ZNF385D: variants seen among roughly 807,000 people sequenced by gnomAD.
The protein encoded by ZNF385D is zinc finger protein 659.
ZNF385D carries 15 observed loss-of-function variants against 35.8 expected under a neutral mutation model. The ratio of observed to expected loss-of-function variants is 0.42; its 90% CI spans 0.28 to 0.64. ZNF385D has a LOEUF of 0.64. ZNF385D is among the 30% of genes least tolerant of loss of function. The probability of loss-of-function intolerance (pLI) is 0.23; values close to 1 mark genes in which losing one functional copy is unlikely to be tolerated. For missense variants in ZNF385D, 474 were observed against 494.6 expected, an observed-to-expected ratio of 0.96 and a Z score of 0.39; for synonymous variants, 212 against 186.8, an observed-to-expected ratio of 1.13 and a Z score of -1.10.
At chr3:22,112,495 T>C (rs11921593) in intron 3 of ZNF385D, among the ~76,000 whole-genome samples, 39 of 152,266 alleles carry the variant, frequency 2.6e-4, no homozygotes, top group African/African-American at 8.2e-4. Flanking sequence ...TTCTTGTTGA[T>C]AAGCAAAATT....
chr3:22,249,466 C>T (rs1158526412), intron 2 of ZNF385D, among the ~76,000 whole-genome samples: 1 of 152,122 alleles, frequency 6.6e-6, no homozygotes, highest in Non-Finnish European at 1.5e-5. Flanking sequence ...CCAGCGTATT[C>T]TCCCTGTCAT....
chr3:21,932,730 T>C (rs572830707), intron 3 of ZNF385D, among the ~76,000 whole-genome samples: 3 of 152,062 alleles, frequency 2.0e-5, no homozygotes, highest in African/African-American at 7.2e-5. Context: ...GCAGAATAGG[T>C]GAACAGATTC....
chr3:22,148,785 A>G (rs1479869796), intron 3 of ZNF385D, among the ~76,000 whole-genome samples: 1 of 152,170 alleles, frequency 6.6e-6, no homozygotes, highest in Non-Finnish European at 1.5e-5. Flanking sequence ...ATGGAAAATG[A>G]CCTTAAAACT....
intron 2 of ZNF385D, among the ~76,000 whole-genome samples, chr3:22,260,269 A>G (rs959687112): frequency 3.3e-5 from 5 of 151,998 alleles, no homozygotes; most frequent in Non-Finnish European, 7.4e-5. Context: ...GTTCTCACTC[A>G]TAAGTGGGAG....
At chr3:21,859,862 G>A (rs546335254) in intron 3 of ZNF385D, among the ~76,000 whole-genome samples, 30 of 150,154 alleles carry the variant, frequency 2.0e-4, no homozygotes, top group African/African-American at 7.3e-4. Flanking sequence ...GTATTCAAAG[G>A]CTCAGATCTT....
At chr3:22,066,320 A>G (rs7617848) in intron 3 of ZNF385D, among the ~76,000 whole-genome samples, 1,580 of 149,214 alleles carry the variant, frequency 0.011, 24 homozygotes, top group African/African-American at 0.036. Context: ...GTGTGTGTGT[A>G]TGTGTGTGTA....
intron 2 of ZNF385D, among the ~76,000 whole-genome samples, chr3:22,294,108 A>G (rs1315271412): frequency 1.3e-5 from 2 of 151,966 alleles, no homozygotes; most frequent in African/African-American, 4.8e-5. Flanking sequence ...ATGATACTCT[A>G]AGACCATTAT....
At position 21,419,984 on chromosome 3, in the gene ZNF385D, G is replaced by A. The variant is rs1700668198; in HGVS notation, c.*1230C>T. 1 of 152,004 alleles carries A rather than the reference G, an allele frequency of 6.6e-6. No individual in the cohort carries two copies. Among genetic ancestry groups the A allele is most frequent in the Admixed American group, 6.6e-5 (1 of 15,264 alleles). 9.4% of individuals were successfully genotyped at this position (152,004 alleles called of 1,614,324 possible). A position where few individuals can be genotyped will look rare whatever the true frequency, so the allele number is the denominator to read the frequency against. On this transcript the variant is annotated 3_prime_UTR_variant, in exon 8 of 8. Transcript: ENST00000281523. ...CAACTCCACTGGAGAAATAATTGTCGAGTGGAACTTACCAGTATTTTTTAA... is the reference window on the plus strand; with the variant it reads ...CAACTCCACTGGAGAAATAATTGTCAAGTGGAACTTACCAGTATTTTTTAA...
At chr3:21,764,380 T>C (rs1038638371) in intron 3 of ZNF385D, among the ~76,000 whole-genome samples, 7 of 152,162 alleles carry the variant, frequency 4.6e-5, no homozygotes, top group Non-Finnish European at 7.4e-5. Context: ...CTCATAGTTA[T>C]GGATTCAAAA....
chr3:22,021,743 C>G (rs944605103), intron 3 of ZNF385D, among the ~76,000 whole-genome samples: 1 of 152,028 alleles, frequency 6.6e-6, no homozygotes, highest in African/African-American at 2.4e-5. Context: ...CTGGTTCTTT[C>G]CAAGCATTTC....
chr3:21,626,529 G>C (rs959237579), intron 2 of ZNF385D, among the ~76,000 whole-genome samples: 1 of 152,068 alleles, frequency 6.6e-6, no homozygotes, highest in Non-Finnish European at 1.5e-5. Context: ...TCTGATTTCA[G>C]GTAGAGATCC....
intron 1 of ZNF385D, among the ~76,000 whole-genome samples, chr3:21,690,854 C>G (rs1023170782): frequency 6.6e-6 from 1 of 152,172 alleles, no homozygotes; most frequent in Non-Finnish European, 1.5e-5. Flanking sequence ...TTTGGGACCA[C>G]GCTGCATGTC....
chr3:21,723,645 C>A (rs1412508008), intron 1 of ZNF385D, among the ~76,000 whole-genome samples: 1 of 152,098 alleles, frequency 6.6e-6, no homozygotes, highest in Admixed American at 6.5e-5. Context: ...AAATATGGGA[C>A]TATGTGAAAA....
chr3:21,475,631 A>AT, intron 4 of ZNF385D, among the ~76,000 whole-genome samples: 1 of 152,210 alleles, frequency 6.6e-6, no homozygotes, highest in Admixed American at 6.6e-5. Context: ...AGACATCTTA[A>AT]TTTTTTAATA....
intron 2 of ZNF385D, among the ~76,000 whole-genome samples, chr3:22,195,367 T>A (rs572527504): frequency 3.7e-4 from 57 of 152,074 alleles, no homozygotes; most frequent in African/African-American, 6.3e-4. Flanking sequence ...TACCCACACA[T>A]ACACACAAAC....
rs1166421830 is a variant in ZNF385D at position 21,496,485 on chromosome 3, C to A, written c.439+14376G>T. 3.6e-5 allele frequency among the ~76,000 whole-genome samples: 5 copies of A among 139,108 alleles called. No homozygotes were observed. In the South Asian group the frequency reaches 1.1e-3, roughly 30 times the overall value. The allele number at this position is 139,108 out of a possible 152,430, so 91.3% of individuals were successfully genotyped here. A position where few individuals can be genotyped will look rare whatever the true frequency, so the allele number is the denominator to read the frequency against. On this transcript the variant is annotated intron_variant, in intron 4 of 7. Transcript: ENST00000281523. ...TATATCATATATATACATATATACA[C>A]ATATATTTGATATATATATCATATA... is the stretch of plus-strand genomic sequence containing the variant.
At chr3:21,958,466 G>T (rs921940878) in intron 3 of ZNF385D, among the ~76,000 whole-genome samples, 1 of 152,100 alleles carries the variant, frequency 6.6e-6, no homozygotes, top group Admixed American at 6.6e-5. Flanking sequence ...ACATATTTAT[G>T]TAATGCCACC....
chr3:21,813,892 C>T (rs951854908), intron 3 of ZNF385D, among the ~76,000 whole-genome samples: 1 of 152,054 alleles, frequency 6.6e-6, no homozygotes, highest in Non-Finnish European at 1.5e-5. Flanking sequence ...CTCCAAGACA[C>T]ATAATTGTCA....
At chr3:21,787,929 G>A (rs1262255024) in intron 3 of ZNF385D, among the ~76,000 whole-genome samples, 1 of 113,876 alleles carries the variant, frequency 8.8e-6, no homozygotes, top group African/African-American at 3.2e-5. Flanking sequence ...GCGACAGAGC[G>A]AGACTTCGTC....
Sources: allele counts gnomAD v4.1 joint callset (sites outside exome capture counted in the v4.1 genomes callset), GRCh38; gene constraint gnomAD v4.1.1; transcripts MANE v1.5; gene names NCBI Gene and HGNC (gene_info 2026-07-23, HGNC 2026-07-21).